ADARB1: variants seen among roughly 807,000 people sequenced by gnomAD.
The protein encoded by ADARB1 is double-stranded RNA-specific editase 1.
In ADARB1, 10 loss-of-function variants were observed where a neutral mutation model predicts 52.4. The observed-to-expected ratio is 0.19, with a 90% CI of 0.12 to 0.32. The LOEUF (loss-of-function observed/expected upper bound fraction) is 0.32. Among genes scored for constraint, ADARB1 ranks in the 10% least tolerant of loss-of-function variants. The probability of loss-of-function intolerance (pLI) is 1.00; values close to 1 mark genes in which losing one functional copy is unlikely to be tolerated. For synonymous variants in ADARB1, 349 were observed against 371.1 expected, an observed-to-expected ratio of 0.94 and a Z score of 0.68; for missense variants, 643 against 922.3, an observed-to-expected ratio of 0.70 and a Z score of 3.92.
At chr21:45,097,082 T>C (rs1450330618) in intron 1 of ADARB1, among the ~76,000 whole-genome samples, 6 of 151,796 alleles carry the variant, frequency 4.0e-5, no homozygotes, top group African/African-American at 1.5e-4. Flanking sequence ...CCTCTTCAAG[T>C]CCGGTTTCTT....
intron 1 of ADARB1, among the ~76,000 whole-genome samples, chr21:45,124,617 G>A (rs1196155426): frequency 6.6e-6 from 1 of 151,902 alleles, no homozygotes; most frequent in Non-Finnish European, 1.5e-5. Context: ...GGCTCAAGCA[G>A]TCTGCCTGCC....
chr21:45,122,886 T>C (rs577655262), intron 1 of ADARB1, among the ~76,000 whole-genome samples: 1 of 152,364 alleles, frequency 6.6e-6, no homozygotes, highest in East Asian at 1.9e-4. Flanking sequence ...TTTCGCATAA[T>C]CTCATAGCTC....
At chr21:45,171,568 T>G in intron 2 of ADARB1, 42 bp from the exon 3 acceptor site, 1 of 1,232,802 alleles carries the variant, frequency 8.1e-7, no homozygotes, top group Non-Finnish European at 1.2e-6. Flanking sequence ...ATATTACTCC[T>G]GTCATAGGCA....
chr21:45,163,228 A>C (rs938331558), intron 2 of ADARB1, among the ~76,000 whole-genome samples: 3 of 152,274 alleles, frequency 2.0e-5, no homozygotes, highest in Admixed American at 2.0e-4. Flanking sequence ...CTTAGAGGTC[A>C]GTTCGTATAC....
rs978621235 is a variant in ADARB1 at position 45,220,174 on chromosome 21, A to G, written c.1748-662A>G. On this transcript the variant is annotated intron_variant, in intron 9 of 10. Transcript: ENST00000348831. This position sits in a 1 kb window ranked among gnomAD's most constrained non-coding sequence, Gnocchi z 6.3. ...GCCTCAAACTAGATCCTATTCAGAC[A>G]TGTTTCAGCAAGTTAGTACAAGTTT... Among the ~76,000 whole-genome samples, 2 of 152,204 alleles carry G rather than the reference A, an allele frequency of 1.3e-5. No individual in the cohort carries two copies. Among genetic ancestry groups the G allele is most frequent in the Admixed American group, 6.5e-5 (1 of 15,278 alleles).
chr21:45,124,814 T>TGA (rs892275868), intron 1 of ADARB1, among the ~76,000 whole-genome samples: 1 of 151,222 alleles, frequency 6.6e-6, no homozygotes, highest in Non-Finnish European at 1.5e-5. Flanking sequence ...TGTGTGTGTG[T>TGA]GTGACAGGGT....
Position 45,222,440 on chromosome 21 carries a change from C to G in ADARB1, c.*243C>G. The stretch of plus-strand genomic sequence containing the variant: ...GCCGCCTGGCATCTCTCTGCCGCAG[C>G]ATTTCCCCTTCTGAACCGTCCAGTG... On this transcript the variant is annotated 3_prime_UTR_variant, in exon 11 of 11. Transcript: ENST00000348831. 7.8e-7 allele frequency: 1 copy of G among 1,285,834 alleles called. No homozygotes were observed. The allele number at this position is 1,285,834 out of a possible 1,614,324, so 79.7% of individuals were successfully genotyped here.
chr21:45,118,990 T>C (rs943626171), intron 1 of ADARB1, among the ~76,000 whole-genome samples: 2 of 152,222 alleles, frequency 1.3e-5, no homozygotes, highest in African/African-American at 4.8e-5. Flanking sequence ...TTATGGTTCA[T>C]TCACCACCAA....
intron 1 of ADARB1, among the ~76,000 whole-genome samples, chr21:45,086,815 T>C (rs545677704): frequency 5.3e-5 from 8 of 152,358 alleles, no homozygotes; most frequent in South Asian, 2.1e-4. Flanking sequence ...TCATTTGTCA[T>C]AGGTAGATTC....
rs991619956 is a variant in ADARB1, at chr21:45,221,848, G to A, written c.1927-170G>A. Among the ~76,000 whole-genome samples, 4 of 152,164 alleles carry A rather than the reference G, an allele frequency of 2.6e-5. No individual in the cohort carries two copies. The highest frequency in any genetic ancestry group is 7.2e-5 in the African/African-American group (3 of 41,426). On this transcript the variant is annotated intron_variant, in intron 10 of 10. Transcript: ENST00000348831. This position sits in a 1 kb window ranked among gnomAD's most constrained non-coding sequence, Gnocchi z 4.9. Reference sequence around the variant, plus strand: ...AATAACTCAGCCCTTAGGAGACGCCGCACCTTGTTCTGTGTGAAGCCGTTC... The same window carrying A: ...AATAACTCAGCCCTTAGGAGACGCCACACCTTGTTCTGTGTGAAGCCGTTC...
At chr21:45,109,967 T>C (rs2087460751) in intron 1 of ADARB1, among the ~76,000 whole-genome samples, 1 of 152,206 alleles carries the variant, frequency 6.6e-6, no homozygotes, top group Non-Finnish European at 1.5e-5. Context: ...GGGCTGCCTC[T>C]AGTCACGCTT....
intron 7 of ADARB1, 42 bp from the exon 8 acceptor site, chr21:45,184,881 T>TG: frequency 6.5e-7 from 1 of 1,538,786 alleles, no homozygotes; most frequent in South Asian, 1.2e-5. Context: ...ATCAAATAGA[T>TG]GGTTTACTAC....
chr21:45,186,716 C>T (rs79752101), intron 8 of ADARB1, among the ~76,000 whole-genome samples: 2,233 of 152,192 alleles, frequency 0.015, 53 homozygotes, highest in African/African-American at 0.051. Flanking sequence ...ATGCCTTTTT[C>T]CTCTTGATTT....
intron 1 of ADARB1, among the ~76,000 whole-genome samples, chr21:45,107,906 C>CAAA (rs956899390): frequency 5.9e-5 from 9 of 152,046 alleles, no homozygotes; most frequent in Non-Finnish European, 1.2e-4. Context: ...ACAAAAAATA[C>CAAA]AAAAATAATT....
intron 1 of ADARB1, among the ~76,000 whole-genome samples, chr21:45,082,034 T>C (rs770119869): frequency 6.6e-6 from 1 of 152,074 alleles, no homozygotes; most frequent in Non-Finnish European, 1.5e-5. Context: ...GAATTCTTGG[T>C]TGTGGGCAAT....
chr21:45,201,881 A>T (rs1464719101), intron 8 of ADARB1, among the ~76,000 whole-genome samples: 1 of 152,004 alleles, frequency 6.6e-6, no homozygotes, highest in African/African-American at 2.4e-5. Flanking sequence ...CGGCTTTTGT[A>T]CAGGGACCTA....
At chr21:45,093,400 G>C (rs2086634602) in intron 1 of ADARB1, among the ~76,000 whole-genome samples, 2 of 152,194 alleles carry the variant, frequency 1.3e-5, no homozygotes, top group Non-Finnish European at 2.9e-5. Context: ...CCCATTGGCA[G>C]GTTTCCACAG....
At chr21:45,189,420 T>C (rs2092217316) in intron 8 of ADARB1, among the ~76,000 whole-genome samples, 1 of 152,254 alleles carries the variant, frequency 6.6e-6, no homozygotes, top group Admixed American at 6.5e-5. Flanking sequence ...TTATATACTG[T>C]ATATCCATTA....
Position 45,176,752 on chromosome 21 carries a change from G to C in ADARB1, c.963+88G>C. On this transcript the variant is annotated intron_variant, in intron 4 of 10. Transcript: ENST00000348831. This position sits in a 1 kb window ranked among gnomAD's most constrained non-coding sequence, Gnocchi z 5.8. Reference sequence around the variant, plus strand: ...GCATTTTAGTTTCAGGATTACTGTTGACTTTCCACCTTGACATCACTCTGT... The same window carrying C: ...GCATTTTAGTTTCAGGATTACTGTTCACTTTCCACCTTGACATCACTCTGT... The C allele has an allele frequency of 2.9e-6, 4 of 1,362,466 alleles. No individual in the cohort carries two copies. The highest frequency in any genetic ancestry group is 4.0e-6 in the Non-Finnish European group (4 of 1,008,068). 84.4% of individuals were successfully genotyped at this position (1,362,466 alleles called of 1,614,324 possible). A position where few individuals can be genotyped will look rare whatever the true frequency, so the allele number is the denominator to read the frequency against.
Sources: allele counts gnomAD v4.1 joint callset (sites outside exome capture counted in the v4.1 genomes callset), GRCh38; gene constraint gnomAD v4.1.1; non-coding constraint Gnocchi (gnomAD v3.1); transcripts MANE v1.5; gene names NCBI Gene and HGNC (gene_info 2026-07-23, HGNC 2026-07-21).